The following ASH2L variants were observed in gnomAD, a reference collection of about 807,000 sequenced individuals.
ASH2L encodes set1/Ash2 histone methyltransferase complex subunit ASH2.
In ASH2L, 30 loss-of-function variants were observed where a neutral mutation model predicts 81.1. The observed-to-expected ratio is 0.37, with a 90% confidence interval of 0.28 to 0.50. The LOEUF is 0.50. Ranked by LOEUF, ASH2L falls within the 20% of genes least tolerant of loss-of-function variation. The pLI is 0.95. For missense variants in ASH2L, 559 were observed against 792.1 expected (o/e 0.71, Z 3.53); for synonymous variants, 273 against 279.9 (o/e 0.98, Z 0.24).
In ASH2L at chr8:38,133,391, G is replaced by A. The variant is rs891501871; in HGVS notation, c.1528-63G>A. 9.1e-6 allele frequency: 11 copies of A among 1,211,572 alleles called. No individual in the cohort carries two copies. In the Admixed American group the frequency reaches 1.2e-4, roughly 13 times the overall value. 75.1% of individuals were successfully genotyped at this position (1,211,572 alleles called of 1,614,324 possible). On this transcript the variant is annotated intron_variant, in intron 12 of 15. Transcript: ENST00000343823. ...GTTAACACTATTTGTGTGCGGATGC[G>A]TTTTTTTCATGATGATGGAGCTGAT...
chr8:38,110,620 A>C (rs1563250607), intron 4 of ASH2L, 119 bp from the exon 5 acceptor site: 7 of 1,127,696 alleles, frequency 6.2e-6, no homozygotes, highest in Non-Finnish European at 9.2e-6. Flanking sequence ...ATTTCAGGTC[A>C]CATGATGACT....
intron 3 of ASH2L, 109 bp downstream of exon 3, chr8:38,107,275 T>C: frequency 7.2e-7 from 1 of 1,382,218 alleles, no homozygotes; most frequent in Non-Finnish European, 1.0e-6. Flanking sequence ...CTATGTCTCC[T>C]AACCCCTATT....
chr8:38,112,299 CCTTT>C (rs1810718299), intron 5 of ASH2L, among the ~76,000 whole-genome samples: 1 of 145,286 alleles, frequency 6.9e-6, no homozygotes, highest in African/African-American at 2.6e-5. Flanking sequence ...ACACCCAGCC[CCTTT>C]ATTTATTTAT....
At chr8:38,134,873 T>C (rs1452051439) in intron 13 of ASH2L, among the ~76,000 whole-genome samples, 2 of 152,164 alleles carry the variant, frequency 1.3e-5, no homozygotes, top group Non-Finnish European at 2.9e-5. Flanking sequence ...AGAGAGGATA[T>C]TCAGTGTAAT....
chr8:38,110,418 C>T lies in ASH2L; in HGVS notation c.441C>T (p.Cys147=). 6.2e-7 allele frequency: 1 copy of T among 1,614,208 alleles called. No homozygotes were observed. The highest frequency in any genetic ancestry group is 8.5e-7 in the Non-Finnish European group (1 of 1,180,026). ...LPFMTNYSFH[C]NVCHHSGNTY... ...TCATGACCAACTACAGTTTTCATTG[C>T]AACGTCTGCCATCACAGTGGGAATA... The change falls in exon 4 of 16, where the codon TGC becomes TGT. Residue 147 remains cysteine (C), a synonymous_variant. Coordinates refer to ENST00000343823, the MANE Select transcript of ASH2L (RefSeq NM_004674.5).
intron 11 of ASH2L, 121 bp from the exon 12 acceptor site, chr8:38,128,637 T>C (rs547259231): frequency 2.0e-6 from 3 of 1,499,348 alleles, no homozygotes; most frequent in East Asian, 2.3e-5. Context: ...TGTGAGAAAG[T>C]TTTTAAGCAA....
In ASH2L at chr8:38,133,744, A is replaced by G. The variant is rs1028598682; in HGVS notation, c.1620+198A>G. Among the ~76,000 whole-genome samples, 15 of 152,206 alleles carry G rather than the reference A, an allele frequency of 9.9e-5. 1 individual carries two copies. Among genetic ancestry groups the G allele is most frequent in the Admixed American group, 2.0e-4 (3 of 15,274 alleles). ...GTACCATGCTTCTGCTGTTAGAGAC[A>G]TGATCCTGTTCTTTCAGGATAACTC... On this transcript the variant is annotated intron_variant, in intron 13 of 15. Transcript: ENST00000343823.
At chr8:38,136,787 GAAAGA>G (rs1050840631) in intron 14 of ASH2L, among the ~76,000 whole-genome samples, 31 of 145,662 alleles carry the variant, frequency 2.1e-4, no homozygotes, top group South Asian at 6.5e-4. Context: ...AAAAAAAAAA[GAAAGA>G]AAAGAAAAGA....
chr8:38,139,138 A>C lies in ASH2L; in HGVS notation c.*67A>C. The C allele has an allele frequency of 8.0e-7, 1 of 1,256,846 alleles. No individual in the cohort carries two copies. Among genetic ancestry groups the C allele is most frequent in the Non-Finnish European group, 1.1e-6 (1 of 911,672 alleles). 77.9% of individuals were successfully genotyped at this position (1,256,846 alleles called of 1,614,324 possible). A position where few individuals can be genotyped will look rare whatever the true frequency, so the allele number is the denominator to read the frequency against. The stretch of plus-strand genomic sequence containing the variant: ...CTGGGGGTTTTGTTTTTGTTTTTGA[A>C]CTGTCTCAAATGTTCTCCCAAAGAT... On this transcript the variant is annotated 3_prime_UTR_variant, in exon 16 of 16. Coordinates refer to ENST00000343823, the MANE Select transcript of ASH2L (RefSeq NM_004674.5).
At chr8:38,130,781 T>C in intron 12 of ASH2L, among the ~76,000 whole-genome samples, 1 of 151,986 alleles carries the variant, frequency 6.6e-6, no homozygotes, top group Non-Finnish European at 1.5e-5. Context: ...GTATTTTTAG[T>C]GGAGACAGGG....
chr8:38,134,556 G>A (rs994387799), intron 13 of ASH2L, among the ~76,000 whole-genome samples: 2 of 152,118 alleles, frequency 1.3e-5, no homozygotes, highest in Non-Finnish European at 2.9e-5. Flanking sequence ...TCTGCCCAAG[G>A]TCATAGCACA....
chr8:38,115,889 T>G (rs1810871051), intron 7 of ASH2L, among the ~76,000 whole-genome samples: 1 of 152,146 alleles, frequency 6.6e-6, no homozygotes, highest in African/African-American at 2.4e-5. Flanking sequence ...TGCTGGTCCT[T>G]AAAACACCCA....
intron 7 of ASH2L, 126 bp downstream of exon 7, chr8:38,115,126 A>G: frequency 1.6e-6 from 1 of 639,002 alleles, no homozygotes; most frequent in South Asian, 2.0e-5. Context: ...AGCATGGTGG[A>G]CTCCAAAAAA....
chr8:38,131,860 A>G lies in ASH2L; in HGVS notation c.1528-1594A>G, dbSNP rs1250487222. On this transcript the variant is annotated intron_variant, in intron 12 of 15. Coordinates refer to ENST00000343823, the MANE Select transcript of ASH2L (RefSeq NM_004674.5). Reference sequence around the variant, plus strand: ...TTTTTGTATGTTTATCTGGTGTTTTATTTTGAAACAGAGTCTCATTCTGTC... The same window carrying G: ...TTTTTGTATGTTTATCTGGTGTTTTGTTTTGAAACAGAGTCTCATTCTGTC... 2.7e-5 allele frequency among the ~76,000 whole-genome samples: 3 copies of G among 110,844 alleles called. No individual in the cohort carries two copies. The South Asian group carries it at 8.0e-4, about 29-fold the overall frequency. The allele number at this position is 110,844 out of a possible 152,430, so 72.7% of individuals were successfully genotyped here.
intron 7 of ASH2L, among the ~76,000 whole-genome samples, 161 bp from the exon 8 acceptor site, chr8:38,116,489 C>T (rs945304019): frequency 1.3e-5 from 2 of 152,168 alleles, no homozygotes; most frequent in African/African-American, 2.4e-5. Context: ...GCCGAGATCG[C>T]GCCACTGTAC....
chr8:38,123,819 A>G (rs1481712980), intron 10 of ASH2L, among the ~76,000 whole-genome samples: 3 of 152,092 alleles, frequency 2.0e-5, no homozygotes, highest in Non-Finnish European at 4.4e-5. Flanking sequence ...GTACATGTAT[A>G]TATTCTTTTA....
intron 10 of ASH2L, among the ~76,000 whole-genome samples, chr8:38,127,246 T>C (rs1801887026): frequency 6.7e-6 from 1 of 149,442 alleles, no homozygotes; most frequent in Non-Finnish European, 1.5e-5. Context: ...CACAAGAAGA[T>C]CGCCTGAGGC....
At chr8:38,110,689 T>C in intron 4 of ASH2L, 50 bp from the exon 5 acceptor site, 1 of 1,432,728 alleles carries the variant, frequency 7.0e-7, no homozygotes, top group Non-Finnish European at 9.8e-7. Flanking sequence ...CCCTTGGTAG[T>C]AGAGATGTAG....
intron 10 of ASH2L, chr8:38,124,220 T>A (rs928908385): frequency 6.6e-6 from 1 of 152,162 alleles, no homozygotes; most frequent in Non-Finnish European, 1.5e-5. Context: ...TTTTATTTTT[T>A]TTTTTAGAAA....
Sources: allele counts gnomAD v4.1 joint callset (sites outside exome capture counted in the v4.1 genomes callset), GRCh38; gene constraint gnomAD v4.1.1; transcripts MANE v1.5; gene names NCBI Gene and HGNC (gene_info 2026-07-23, HGNC 2026-07-21).